The following PCDH15 variants were observed in gnomAD, a reference collection of about 807,000 sequenced individuals.
PCDH15 encodes protocadherin related 15.
In PCDH15, 129 loss-of-function variants were observed where a neutral mutation model predicts 178.5. That is an observed-to-expected ratio of 0.72 (90% CI 0.63 to 0.84). The LOEUF is 0.84. Ranked by LOEUF, PCDH15 falls within the 40% of genes least tolerant of loss-of-function variation. The pLI, the probability that PCDH15 is intolerant of heterozygous loss-of-function variation, is 0.00. For missense variants in PCDH15, 2,230 were observed against 2,099.9 expected, an observed-to-expected ratio of 1.06 and a Z score of -1.21; for synonymous variants, 800 against 732.0, an observed-to-expected ratio of 1.09 and a Z score of -1.50.
intron 13 of PCDH15, among the ~76,000 whole-genome samples, chr10:54,164,783 G>T (rs2046048139): frequency 6.6e-6 from 1 of 152,068 alleles, no homozygotes; most frequent in Non-Finnish European, 1.5e-5. Context: ...AACACATAAT[G>T]AGTGCAGATG....
chr10:54,309,111 A>C (rs1273546866), intron 8 of PCDH15, among the ~76,000 whole-genome samples: 2 of 152,088 alleles, frequency 1.3e-5, no homozygotes, highest in Admixed American at 6.6e-5. Flanking sequence ...CAAGGGACTC[A>C]GTGAGGATAT....
intron 1 of PCDH15, among the ~76,000 whole-genome samples, chr10:55,266,645 G>C (rs1842304003): frequency 6.6e-6 from 1 of 152,146 alleles, no homozygotes; most frequent in African/African-American, 2.4e-5. Context: ...AGGTCGAGAG[G>C]AACACATCAG....
At position 54,655,833 on chromosome 10, in the gene PCDH15, C is replaced by A. The variant is rs757375594; in HGVS notation, c.91+8339G>T. On this transcript the variant is annotated intron_variant, in intron 2 of 37. Coordinates refer to ENST00000644397, the MANE Select transcript of PCDH15 (RefSeq NM_001384140.1). Reference sequence around the variant, plus strand: ...ACAAGAAATGCTAGTCTTGGTACAACCTAATGAAAAGACATAGCTGAGATT... The same window carrying A: ...ACAAGAAATGCTAGTCTTGGTACAAACTAATGAAAAGACATAGCTGAGATT... 5.3e-5 allele frequency: 8 copies of A among 152,128 alleles called. No individual in the cohort carries two copies. The South Asian group carries it at 6.3e-4, about 12-fold the overall frequency. The allele number at this position is 152,128 out of a possible 1,614,324, so 9.4% of individuals were successfully genotyped here. A position where few individuals can be genotyped will look rare whatever the true frequency, so the allele number is the denominator to read the frequency against.
At chr10:55,263,321 C>T (rs1463896328) in intron 1 of PCDH15, among the ~76,000 whole-genome samples, 4 of 152,174 alleles carry the variant, frequency 2.6e-5, no homozygotes, top group Non-Finnish European at 5.9e-5. Flanking sequence ...TTGCTACAGG[C>T]TGTGGCAATG....
At chr10:55,546,129 C>A (rs1373420079) in intron 2 of PCDH15, among the ~76,000 whole-genome samples, 1 of 152,064 alleles carries the variant, frequency 6.6e-6, no homozygotes, top group Non-Finnish European at 1.5e-5. Flanking sequence ...GATAAACCCA[C>A]AACATTTTTA....
chr10:55,582,550 T>C (rs1220198062), intron 2 of PCDH15, among the ~76,000 whole-genome samples: 2 of 147,022 alleles, frequency 1.4e-5, no homozygotes, highest in Admixed American at 6.9e-5. Flanking sequence ...CCTAAAAAAA[T>C]AGTGGTTGAT....
intron 2 of PCDH15, among the ~76,000 whole-genome samples, chr10:54,904,552 A>C (rs560354767): frequency 6.6e-6 from 1 of 152,186 alleles, no homozygotes; most frequent in South Asian, 2.1e-4. Flanking sequence ...TATAGCTTCT[A>C]CTAAGTTGCA....
chr10:54,566,027 C>T (rs944996405), intron 2 of PCDH15, among the ~76,000 whole-genome samples: 14 of 152,172 alleles, frequency 9.2e-5, no homozygotes, highest in South Asian at 2.1e-4. Flanking sequence ...GAGTTTGCAG[C>T]GAGCTGAGAT....
At chr10:54,100,123 T>G (rs2094781917) in intron 15 of PCDH15, among the ~76,000 whole-genome samples, 1 of 152,128 alleles carries the variant, frequency 6.6e-6, no homozygotes, top group African/African-American at 2.4e-5. Flanking sequence ...ATCCCAGCAC[T>G]TTGGGAGCCC....
Position 54,690,396 on chromosome 10 carries a change from C to T in PCDH15, c.-28-26106G>A, listed in dbSNP as rs112655835. 2.0e-3 allele frequency among the ~76,000 whole-genome samples: 291 copies of T among 145,084 alleles called. 5 individuals are homozygous for T. Among genetic ancestry groups the T allele is most frequent in the Non-Finnish European group, 1.9e-3 (129 of 67,078 alleles). On this transcript the variant is annotated intron_variant, in intron 1 of 37. Transcript: ENST00000644397. Reference sequence around the variant, plus strand: ...GTGGCACCATCTCGGCTCACTGTAACGTCTGCCTCCTGAGTTCAAGTGATT... The same window carrying T: ...GTGGCACCATCTCGGCTCACTGTAATGTCTGCCTCCTGAGTTCAAGTGATT...
intron 20 of PCDH15, among the ~76,000 whole-genome samples, chr10:54,019,095 C>A (rs1200544919): frequency 6.6e-6 from 1 of 152,040 alleles, no homozygotes; most frequent in Non-Finnish European, 1.5e-5. Context: ...GTGCAGGTAT[C>A]TCTATTCCTT....
chr10:54,406,988 A>G (rs565763045), intron 3 of PCDH15, among the ~76,000 whole-genome samples: 1 of 152,314 alleles, frequency 6.6e-6, no homozygotes, highest in South Asian at 2.1e-4. Context: ...TGTGTCTAAC[A>G]AACACTTGTA....
At chr10:53,903,610 T>C (rs1278517634) in intron 25 of PCDH15, among the ~76,000 whole-genome samples, 1 of 152,170 alleles carries the variant, frequency 6.6e-6, no homozygotes, top group Non-Finnish European at 1.5e-5. Flanking sequence ...TCACTTTACT[T>C]GATTTAATTT....
intron 2 of PCDH15, among the ~76,000 whole-genome samples, chr10:55,401,594 CTGTGTGTGTGTGTGTGTGTG>C (rs3074786): frequency 7.5e-6 from 1 of 133,114 alleles, no homozygotes; most frequent in Non-Finnish European, 1.6e-5. Flanking sequence ...ATTTGCCTTA[CTGTGTGTGTGTGTGTGTGTG>C]TGTGTGTGTG....
At chr10:54,752,769 G>T (rs1478364956) in intron 1 of PCDH15, among the ~76,000 whole-genome samples, 1 of 145,462 alleles carries the variant, frequency 6.9e-6, no homozygotes, top group East Asian at 2.0e-4. Context: ...TCAGCCGTCA[G>T]GAAGGATTTG....
chr10:54,748,508 C>T (rs912404164), intron 1 of PCDH15, among the ~76,000 whole-genome samples: 1 of 152,098 alleles, frequency 6.6e-6, no homozygotes, highest in African/African-American at 2.4e-5. Flanking sequence ...GATAACTGTC[C>T]ATACCCCATG....
intron 13 of PCDH15, among the ~76,000 whole-genome samples, chr10:54,176,282 C>T (rs1335695759): frequency 4.6e-5 from 7 of 152,092 alleles, no homozygotes; most frequent in East Asian, 1.9e-4. Flanking sequence ...GAGACAGACA[C>T]GTAAAAGTTA....
chr10:54,766,264 A>G (rs1426463932), intron 1 of PCDH15, among the ~76,000 whole-genome samples: 1 of 152,158 alleles, frequency 6.6e-6, no homozygotes, highest in Non-Finnish European at 1.5e-5. Context: ...GATGAAAACA[A>G]TGAGAGAAAG....
chr10:55,600,113 C>A, intron 2 of PCDH15: 1 of 397,958 alleles, frequency 2.5e-6, no homozygotes, highest in South Asian at 5.6e-5. Context: ...GCCTGTAATC[C>A]CAGCACTTTG....
Sources: gnomAD v4.1 joint callset for allele counts (sites outside exome capture counted in the v4.1 genomes callset) on GRCh38, gnomAD v4.1.1 for gene constraint, MANE v1.5 for transcripts, NCBI Gene and HGNC (gene_info 2026-07-23, HGNC 2026-07-21) for gene names.